REPS2: variants seen among roughly 807,000 people sequenced by gnomAD.
The protein encoded by REPS2 is RALBP1 associated Eps domain containing 2.
A neutral mutation model predicts 53.6 loss-of-function variants in REPS2; 23 were observed. The observed-to-expected ratio is 0.43, with a 90% CI of 0.31 to 0.61. REPS2 has a LOEUF of 0.61. REPS2 is among the 20% of genes least tolerant of loss of function. The pLI, the probability that REPS2 is intolerant of heterozygous loss-of-function variation, is 0.11. For synonymous variants in REPS2, 238 were observed against 218.6 expected, an observed-to-expected ratio of 1.09 and a Z score of -0.78; for missense variants, 446 against 534.9, an observed-to-expected ratio of 0.83 and a Z score of 1.64.
At chrX:17,067,751 C>G (rs2062244489) in intron 9 of REPS2, among the ~76,000 whole-genome samples, 1 of 111,877 alleles carries the variant, frequency 8.9e-6, no homozygotes, top group African/African-American at 3.3e-5. Flanking sequence ...GGCCACTTGT[C>G]AGAACTTCTT....
At chrX:16,947,774 T>C (rs960532619) in intron 1 of REPS2, among the ~76,000 whole-genome samples, 6 of 112,190 alleles carry the variant, frequency 5.3e-5, no homozygotes, top group Admixed American at 9.4e-5. Flanking sequence ...CATTTGAGAT[T>C]AGAGGTGGAC....
chrX:17,108,837 A>G (rs1437935363), intron 14 of REPS2, among the ~76,000 whole-genome samples: 2 of 110,480 alleles, frequency 1.8e-5, no homozygotes, highest in Non-Finnish European at 3.8e-5. Context: ...TTTGATGAAT[A>G]CCTTTAAGCT....
chrX:17,134,600 T>C (rs1354090728), intron 15 of REPS2, among the ~76,000 whole-genome samples: 1 of 111,645 alleles, frequency 9.0e-6, no homozygotes, highest in Non-Finnish European at 1.9e-5. Flanking sequence ...CTTTAAAAAC[T>C]TCCAAAGCTT....
chrX:16,956,726 T>C (rs1247440727), intron 1 of REPS2, among the ~76,000 whole-genome samples: 2 of 112,172 alleles, frequency 1.8e-5, no homozygotes, highest in Non-Finnish European at 3.8e-5. Context: ...GACCGTTTTA[T>C]CTGGCCCTCT....
At chrX:17,107,913 G>A (rs2062895865) in intron 14 of REPS2, among the ~76,000 whole-genome samples, 1 of 111,000 alleles carries the variant, frequency 9.0e-6, no homozygotes, top group Non-Finnish European at 1.9e-5. Context: ...GCATTCTTTT[G>A]TTTGTTTTTG....
At chrX:17,137,869 A>G (rs1475589039) in intron 16 of REPS2, 1 of 112,214 alleles carries the variant, frequency 8.9e-6, no homozygotes, top group Admixed American at 9.4e-5. Flanking sequence ...TCAACCTCTC[A>G]AAGTGCTGGG....
intron 6 of REPS2, among the ~76,000 whole-genome samples, chrX:17,048,057 C>T (rs941819275): frequency 3.6e-5 from 4 of 112,620 alleles, no homozygotes; most frequent in Non-Finnish European, 7.5e-5. Flanking sequence ...CTCAGAGGAA[C>T]TGGTTTAATG....
At chrX:17,039,586 T>C (rs1164388003) in intron 5 of REPS2, among the ~76,000 whole-genome samples, 3 of 112,134 alleles carry the variant, frequency 2.7e-5, no homozygotes, top group Non-Finnish European at 1.9e-5. Context: ...ATCTGCAAAA[T>C]TGCAGCAATG....
At chrX:17,185,442 T>G in the REPS2 span, among the ~76,000 whole-genome samples, 241 of 111,782 alleles carry the variant, frequency 2.2e-3, 1 homozygote, top group Middle Eastern at 0.037. Context: ...CAGTATTGCA[T>G]TTTATCATGC....
At chrX:16,954,805 CTTT>C (rs58924467) in intron 1 of REPS2, among the ~76,000 whole-genome samples, 11 of 59,332 alleles carry the variant, frequency 1.9e-4, no homozygotes, top group African/African-American at 5.0e-4. Context: ...TTATTTATAA[CTTT>C]TTTTTTTTTT....
intron 6 of REPS2, among the ~76,000 whole-genome samples, chrX:17,051,283 CA>C (rs2061999868): frequency 9.0e-6 from 1 of 111,520 alleles, no homozygotes; most frequent in African/African-American, 3.3e-5. Context: ...AGGTTGCCTC[CA>C]AATCTCAGCT....
At chrX:17,187,236 T>C in the REPS2 span, among the ~76,000 whole-genome samples, 4 of 111,673 alleles carry the variant, frequency 3.6e-5, no homozygotes, top group Non-Finnish European at 7.5e-5. Context: ...TTTCTTTTGC[T>C]CTTTCATTAT....
At chrX:17,048,739 C>A (rs1417888621) in intron 6 of REPS2, among the ~76,000 whole-genome samples, 3 of 112,219 alleles carry the variant, frequency 2.7e-5, no homozygotes, top group Non-Finnish European at 5.6e-5. Context: ...TGTTGTAGCA[C>A]AAGGCAGTGC....
At chrX:17,044,881 G>A (rs1189730336) in intron 5 of REPS2, among the ~76,000 whole-genome samples, 1 of 112,001 alleles carries the variant, frequency 8.9e-6, no homozygotes, top group Non-Finnish European at 1.9e-5. Context: ...GGAAGGTTGT[G>A]TGGTCTGTTT....
rs1323684049 is a variant in REPS2 at position 17,029,686 on chromosome X, A to G, written c.771+63A>G. 7.5e-6 allele frequency: 6 copies of G among 803,335 alleles called. No homozygotes were observed. In the Admixed American group the frequency reaches 8.4e-5, roughly 11 times the overall value. The allele number at this position is 803,335 out of a possible 1,213,427, so 66.2% of individuals were successfully genotyped here. On this transcript the variant is annotated intron_variant, in intron 5 of 17. Transcript: ENST00000357277. Reference sequence around the variant, plus strand: ...GAGTCAAGCTTTGGGCTTCGGGGACATGGCTTTTTGATGGACCCTTTTTCA... The same window carrying G: ...GAGTCAAGCTTTGGGCTTCGGGGACGTGGCTTTTTGATGGACCCTTTTTCA...
At chrX:17,099,096 C>T (rs768385846) in intron 13 of REPS2, among the ~76,000 whole-genome samples, 1 of 111,586 alleles carries the variant, frequency 9.0e-6, no homozygotes, top group East Asian at 2.8e-4. Context: ...AGACTAAGTA[C>T]ATTAAGTTTA....
At chrX:17,190,748 G>A in the REPS2 span, among the ~76,000 whole-genome samples, 2 of 112,404 alleles carry the variant, frequency 1.8e-5, no homozygotes, top group Admixed American at 9.4e-5. Context: ...TCAACATAGT[G>A]TGGTATTGGT....
At chrX:17,069,013 G>A (rs2062265426) in intron 10 of REPS2, among the ~76,000 whole-genome samples, 1 of 111,484 alleles carries the variant, frequency 9.0e-6, no homozygotes, top group South Asian at 3.8e-4. Flanking sequence ...CTACTCCCAG[G>A]GAAGAGTTGG....
chrX:16,951,531 ACACACACACACACACACACACACACACAC>A (rs1293096466), intron 1 of REPS2, among the ~76,000 whole-genome samples: 2 of 50,224 alleles, frequency 4.0e-5, no homozygotes, highest in Admixed American at 6.9e-4. Context: ...ACACACACAC[ACACACACACACACACACACACACACACAC>A]CCCCGCTACC....
Sources: allele counts gnomAD v4.1 joint callset (sites outside exome capture counted in the v4.1 genomes callset), GRCh38; gene constraint gnomAD v4.1.1; transcripts MANE v1.5; gene names NCBI Gene and HGNC (gene_info 2026-07-23, HGNC 2026-07-21).